The following PRPF40B variants were observed in gnomAD, a reference collection of about 807,000 sequenced individuals.
PRPF40B encodes pre-mRNA-processing factor 40 homolog B.
Under a neutral mutation model 124.5 loss-of-function variants are expected in PRPF40B, and 56 were observed. That is an observed-to-expected ratio of 0.45 (90% CI 0.36 to 0.56). The LOEUF (loss-of-function observed/expected upper bound fraction) is 0.56, where lower values mean the gene tolerates loss of function less well. Among genes scored for constraint, PRPF40B ranks in the 20% least tolerant of loss-of-function variants. PRPF40B has a pLI of 0.00. For missense variants in PRPF40B, 1,053 were observed against 1,169.5 expected, an observed-to-expected ratio of 0.90 and a Z score of 1.45; for synonymous variants, 443 against 426.4, an observed-to-expected ratio of 1.04 and a Z score of -0.48.
chr12:49,633,577 G>GGAGC (rs1565831331), intron 8 of PRPF40B, 30 bp downstream of exon 8: 2 of 1,614,236 alleles, frequency 1.2e-6, no homozygotes, highest in Non-Finnish European at 8.5e-7. Context: ...GGCCAGGTCA[G>GGAGC]GAGCTCTGGG....
rs1489568593 is a variant in PRPF40B at position 49,642,362 on chromosome 12, C to A, written c.2012C>A (p.Ala671Asp). 2.5e-6 allele frequency: 4 copies of A among 1,613,636 alleles called. No individual in the cohort carries two copies. The highest frequency in any genetic ancestry group is 1.3e-5 in the African/African-American group (1 of 74,920). The change falls in exon 20 of 26, where the codon GCC (alanine) becomes GAC (aspartate). Residue 671 changes from alanine (A) to aspartate (D), a missense_variant. Ala to Asp is a moderately radical substitution (Grantham distance 126). This residue lies in a region of PRPF40B where 895 missense variants were observed against 1,052.2 expected (regional missense o/e 0.85). Transcript: ENST00000548825. The surrounding 1 kb of genome is among the most constrained non-coding windows in gnomAD (Gnocchi z 5.8). ...GTGCCTGCTCTGGAGCTAGGCACTGCCTGGGAAGAGGTCAGGAGCGTAGCC... is the reference window on the plus strand; with the variant it reads ...GTGCCTGCTCTGGAGCTAGGCACTGACTGGGAAGAGGTCAGGAGCGTAGCC... ...QAVPALELGT[A>D]WEEVRERFVC... is the part of the protein sequence containing the mutation.
At chr12:49,623,449 C>T (rs565951722), upstream of PRPF40B, 261 of 924,610 alleles carry the variant, frequency 2.8e-4, no homozygotes, top group African/African-American at 4.0e-3. Flanking sequence ...GGGCCCCGCT[C>T]GCCGGCGGGA....
chr12:49,630,138 C>A (rs1325322250), intron 1 of PRPF40B, among the ~76,000 whole-genome samples: 2 of 152,202 alleles, frequency 1.3e-5, no homozygotes, highest in African/African-American at 4.8e-5. Flanking sequence ...AGGCGACTCC[C>A]TCCCTAGATA....
At chr12:49,634,663 T>TA in intron 12 of PRPF40B, 61 bp downstream of exon 12, 1 of 1,598,368 alleles carries the variant, frequency 6.3e-7, no homozygotes, top group Non-Finnish European at 8.6e-7. Flanking sequence ...AGGGACTCCC[T>TA]AAAAAACCCC....
At chr12:49,641,589 G>C (rs985212364) in intron 18 of PRPF40B, 1 of 342,426 alleles carries the variant, frequency 2.9e-6, no homozygotes, top group Non-Finnish European at 5.4e-6. Context: ...CTGCTGAGCA[G>C]CAGGAGGGCC....
chr12:49,632,670 G>A (rs1354572126), intron 5 of PRPF40B, 47 bp downstream of exon 5: 3 of 1,609,700 alleles, frequency 1.9e-6, no homozygotes, highest in Non-Finnish European at 2.5e-6. Context: ...AGGTTGGGGG[G>A]CATAGGGGAG....
chr12:49,634,121 A>G (rs766370886), intron 10 of PRPF40B, 29 bp downstream of exon 10: 13 of 1,603,938 alleles, frequency 8.1e-6, no homozygotes, highest in Middle Eastern at 2.2e-4. Flanking sequence ...GGCATTCCCA[A>G]TGTTGGCCTC....
chr12:49,633,069 C>T lies in PRPF40B; in HGVS notation c.404C>T (p.Ala135Val). Residue 135 changes from alanine to valine, a missense_variant, in exon 7 of 26, where the codon GCT becomes GTT. By Grantham distance (64) the Ala-to-Val change is moderately conservative. Around this residue, in one of 2 missense-constraint regions of PRPF40B, gnomAD observed 895 missense variants for 1,052.2 expected, o/e 0.85. Transcript: ENST00000548825. ...GATGGGCGCATCTACTACTACAATG[C>T]TGACGACAAGCAGTCCGTGTGGGAG... The part of the protein sequence containing the change: ...APDGRIYYYN[A>V]DDKQSVWEKP... The T allele has an allele frequency of 6.5e-7, 1 of 1,544,116 alleles. No individual in the cohort carries two copies. Among genetic ancestry groups the T allele is most frequent in the Non-Finnish European group, 8.8e-7 (1 of 1,138,706 alleles).
intron 18 of PRPF40B, chr12:49,641,652 T>C: frequency 2.1e-6 from 1 of 475,492 alleles, no homozygotes; most frequent in Non-Finnish European, 3.7e-6. Context: ...TTTGAGAAAC[T>C]CAGCATTAAT....
At chr12:49,622,660 C>G (rs780311745), upstream of PRPF40B, 1 of 152,270 alleles carries the variant, frequency 6.6e-6, no homozygotes, top group African/African-American at 2.4e-5. Context: ...CTCTTCGTGT[C>G]AGGAGTTTTT....
In PRPF40B at chr12:49,642,222, C is replaced by G. The variant is rs889632730; in HGVS notation, c.1885-13C>G. 1.2e-6 allele frequency: 2 copies of G among 1,614,114 alleles called. No homozygotes were observed. Among genetic ancestry groups the G allele is most frequent in the Non-Finnish European group, 1.7e-6 (2 of 1,179,994 alleles). ...TCCTGGGTGACCCTGTTCCGTGTCC[C>G]TTCTTTCCTCAGCTGCTGGAGAAAG... On this transcript the variant is annotated splice_polypyrimidine_tract_variant and intron_variant, in intron 19 of 25. Transcript: ENST00000548825. This position sits in a 1 kb window ranked among gnomAD's most constrained non-coding sequence, Gnocchi z 5.8.
At chr12:49,632,974 G>A in intron 6 of PRPF40B, 40 bp from the exon 7 acceptor site, 1 of 1,609,902 alleles carries the variant, frequency 6.2e-7, no homozygotes. Context: ...CTTTGGAAAA[G>A]GGGCCTTGAC....
At chr12:49,641,595 G>C in intron 18 of PRPF40B, 1 of 347,618 alleles carries the variant, frequency 2.9e-6, no homozygotes. Context: ...AGCAGCAGGA[G>C]GGCCCAGCTG....
At position 49,629,443 on chromosome 12, in the gene PRPF40B, AT is replaced by A. The variant is rs369114309; in HGVS notation, c.4-1098del. Among the ~76,000 whole-genome samples the A allele has an allele frequency of 2.6e-5, 4 of 152,346 alleles. No individual in the cohort carries two copies. In the South Asian group the frequency reaches 6.2e-4, roughly 24 times the overall value. On this transcript the variant is annotated intron_variant, in intron 1 of 25. Transcript: ENST00000548825. Reference sequence around the variant, plus strand: ...GAAATGAAAACCTTAAACATACAGCATTTTGGCCATGTAGGGCTATACCTAT... The same window carrying A: ...GAAATGAAAACCTTAAACATACAGCATTTGGCCATGTAGGGCTATACCTAT...
intron 1 of PRPF40B, 90 bp from the exon 2 acceptor site, chr12:49,630,454 CT>C: frequency 4.2e-6 from 3 of 715,224 alleles, no homozygotes; most frequent in South Asian, 3.0e-5. Flanking sequence ...TTTTGTGCTC[CT>C]TTTTCATCCT....
chr12:49,635,604 T>TGGGA lies in PRPF40B; in HGVS notation c.1275+132_1275+135dup. Reference sequence around the variant, plus strand: ...CCAGCTTCTGACTTGGAAGCTGGTATGGGACTTGCACATCTCATTTCTGCT... The same window carrying TGGGA: ...CCAGCTTCTGACTTGGAAGCTGGTATGGGAGGGACTTGCACATCTCATTTCTGCT... On this transcript the variant is annotated intron_variant, in intron 14 of 25. Coordinates refer to ENST00000548825, the MANE Select transcript of PRPF40B (RefSeq NM_001031698.3). This position sits in a 1 kb window ranked among gnomAD's most constrained non-coding sequence, Gnocchi z 4.1. The TGGGA allele has an allele frequency of 1.0e-6, 1 of 973,260 alleles. No individual in the cohort carries two copies. Among genetic ancestry groups the TGGGA allele is most frequent in the Non-Finnish European group, 1.5e-6 (1 of 659,722 alleles). 60.3% of individuals were successfully genotyped at this position (973,260 alleles called of 1,614,324 possible). A position where few individuals can be genotyped will look rare whatever the true frequency, so the allele number is the denominator to read the frequency against.
In PRPF40B at chr12:49,642,532, C is replaced by T. The variant is rs1248296269; in HGVS notation, c.2023-48C>T. ...CCTGTGCTCATGGCGGTGTCCAGGC[C>T]AGGCTGAGTGGGGCCTAGTCTGATC... On this transcript the variant is annotated intron_variant, in intron 20 of 25. Transcript: ENST00000548825. The surrounding 1 kb of genome is among the most constrained non-coding windows in gnomAD (Gnocchi z 5.8). 1 of 1,604,244 alleles carries T rather than the reference C, an allele frequency of 6.2e-7. No individual in the cohort carries two copies. Among genetic ancestry groups the T allele is most frequent in the South Asian group, 1.1e-5 (1 of 90,672 alleles).
chr12:49,641,070 G>GT (rs1280402201), intron 18 of PRPF40B: 8 of 152,336 alleles, frequency 5.3e-5, no homozygotes, highest in African/African-American at 1.4e-4. Context: ...CTTAACTGAC[G>GT]TGAGAGCCAG....
chr12:49,643,560 AG>A, intron 23 of PRPF40B, 130 bp from the exon 24 acceptor site: 1 of 1,362,542 alleles, frequency 7.3e-7, no homozygotes, highest in Non-Finnish European at 9.9e-7. Flanking sequence ...AAGCTGGAGA[AG>A]GAAAACTGGA....
Sources: allele counts gnomAD v4.1 joint callset (sites outside exome capture counted in the v4.1 genomes callset), GRCh38; gene constraint gnomAD v4.1.1; regional missense constraint gnomAD v4.1.1; non-coding constraint Gnocchi (gnomAD v3.1); transcripts MANE v1.5; gene names NCBI Gene and HGNC (gene_info 2026-07-23, HGNC 2026-07-21).